PDZD2: variants seen among roughly 807,000 people sequenced by gnomAD.
PDZD2 encodes PDZ domain-containing protein 2.
In PDZD2, 90 loss-of-function variants were observed where a neutral mutation model predicts 220.7. The observed-to-expected ratio is 0.41, with a 90% CI of 0.34 to 0.49. The LOEUF (loss-of-function observed/expected upper bound fraction) is 0.49. Among genes scored for constraint, PDZD2 ranks in the 20% least tolerant of loss-of-function variants. The pLI, the probability that PDZD2 is intolerant of heterozygous loss-of-function variation, is 0.28. For synonymous variants in PDZD2, 1,375 were observed against 1,450.5 expected, an observed-to-expected ratio of 0.95 and a Z score of 1.18; for missense variants, 3,174 against 3,608.5, an observed-to-expected ratio of 0.88 and a Z score of 3.08.
chr5:31,857,247 A>G (rs988357000), intron 2 of PDZD2, among the ~76,000 whole-genome samples: 6 of 152,266 alleles, frequency 3.9e-5, no homozygotes, highest in African/African-American at 1.4e-4. Context: ...TCCCTCCCTC[A>G]TGAGAACTCT....
chr5:32,029,820 G>C (rs1754984642), intron 6 of PDZD2, among the ~76,000 whole-genome samples: 1 of 152,214 alleles, frequency 6.6e-6, no homozygotes, highest in Admixed American at 6.5e-5. Context: ...GACCCAGGGA[G>C]AATTACCTCC....
rs34261021 is a variant in PDZD2, at chr5:31,718,694, A to ATTT, written c.-361+79280_-361+79282dup. Among the ~76,000 whole-genome samples, 126 of 74,630 alleles carry ATTT rather than the reference A, an allele frequency of 1.7e-3. 1 individual carries two copies. Among genetic ancestry groups the ATTT allele is most frequent in the African/African-American group, 2.8e-3 (52 of 18,610 alleles). The allele number at this position is 74,630 out of a possible 152,430, so 49.0% of individuals were successfully genotyped here. A position where few individuals can be genotyped will look rare whatever the true frequency, so the allele number is the denominator to read the frequency against. On this transcript the variant is annotated intron_variant, in intron 1 of 24. Transcript: ENST00000438447. ...GATTAGGGCCCACTGTAACAGCCTC[A>ATTT]TTTTTTTTTTTTTTTTTTTTTTTTT...
intron 1 of PDZD2, among the ~76,000 whole-genome samples, chr5:31,757,625 C>T (rs1751374705): frequency 6.6e-6 from 1 of 151,910 alleles, no homozygotes; most frequent in South Asian, 2.1e-4. Flanking sequence ...AATGGAAGTG[C>T]TCAGTGGCTA....
intron 10 of PDZD2, among the ~76,000 whole-genome samples, chr5:32,056,431 A>T (rs1016717663): frequency 6.6e-6 from 1 of 152,156 alleles, no homozygotes; most frequent in African/African-American, 2.4e-5. Flanking sequence ...CCTCTTCTCT[A>T]CAGCAATGCT....
intron 3 of PDZD2, among the ~76,000 whole-genome samples, chr5:31,994,249 C>A (rs922179040): frequency 5.9e-5 from 9 of 151,870 alleles, no homozygotes; most frequent in African/African-American, 2.2e-4. Flanking sequence ...TCTGGTGATC[C>A]CCCCACCTTG....
rs145368496 is a variant in PDZD2 at position 31,970,175 on chromosome 5, G to A, written c.477-12980G>A. ...CTCCCAAAGTGCTGGGATTACAGAC[G>A]TGAGCCACCGCGCCCGGCCCGACTA... On this transcript the variant is annotated intron_variant, in intron 2 of 24. Transcript: ENST00000438447. Among the ~76,000 whole-genome samples, 516 of 152,120 alleles carry A rather than the reference G, an allele frequency of 3.4e-3. 5 individuals carry two copies. Among genetic ancestry groups the A allele is most frequent in the Admixed American group, 0.022 (340 of 15,268 alleles).
At chr5:31,801,677 A>G (rs984918059) in intron 2 of PDZD2, among the ~76,000 whole-genome samples, 1 of 152,186 alleles carries the variant, frequency 6.6e-6, no homozygotes, top group Non-Finnish European at 1.5e-5. Context: ...TGATCTTGGG[A>G]AAATTGTACC....
intron 2 of PDZD2, chr5:31,854,812 G>GAC (rs986087731): frequency 3.4e-5 from 7 of 205,634 alleles, no homozygotes; most frequent in African/African-American, 4.7e-5. Flanking sequence ...GGGGATCTTG[G>GAC]AATGCCGTGG....
intron 2 of PDZD2, among the ~76,000 whole-genome samples, chr5:31,825,326 A>G (rs988428845): frequency 6.6e-6 from 1 of 152,206 alleles, no homozygotes; most frequent in African/African-American, 2.4e-5. Flanking sequence ...AGAGGAACAC[A>G]GAGTGGACAT....
chr5:31,769,073 G>A (rs16901543), intron 1 of PDZD2, among the ~76,000 whole-genome samples: 9,145 of 152,230 alleles, frequency 0.06, 335 homozygotes, highest in Non-Finnish European at 0.087. Flanking sequence ...CAGGGGAGAC[G>A]ATGCTCAGGA....
intron 2 of PDZD2, among the ~76,000 whole-genome samples, chr5:31,900,758 G>A (rs1015931715): frequency 9.9e-5 from 15 of 152,128 alleles, no homozygotes; most frequent in Admixed American, 7.2e-4. Context: ...TTATCACCCC[G>A]AGGAACAGCT....
intron 1 of PDZD2, among the ~76,000 whole-genome samples, chr5:31,751,676 C>T (rs1009372151): frequency 6.6e-6 from 1 of 152,104 alleles, no homozygotes; most frequent in African/African-American, 2.4e-5. Flanking sequence ...CATTAAATAC[C>T]GGGGACATGA....
chr5:31,776,450 T>TTTTTTTTA (rs113791920), intron 1 of PDZD2, among the ~76,000 whole-genome samples: 5 of 139,102 alleles, frequency 3.6e-5, no homozygotes, highest in South Asian at 2.3e-4. Flanking sequence ...TGTGTTTTTA[T>TTTTTTTTA]TTTATTTATT....
chr5:31,746,442 T>G (rs1750609058), intron 1 of PDZD2, among the ~76,000 whole-genome samples: 1 of 152,186 alleles, frequency 6.6e-6, no homozygotes, highest in Non-Finnish European at 1.5e-5. Flanking sequence ...TGGGAGTGGA[T>G]TGGTGTGCCA....
chr5:31,893,111 C>A (rs1440040343), intron 2 of PDZD2, among the ~76,000 whole-genome samples: 1 of 152,148 alleles, frequency 6.6e-6, no homozygotes, highest in Non-Finnish European at 1.5e-5. Context: ...AACTATTAAA[C>A]TTGTACCCAC....
intron 1 of PDZD2, among the ~76,000 whole-genome samples, chr5:31,730,811 A>G (rs1749494917): frequency 6.6e-6 from 1 of 152,200 alleles, no homozygotes; most frequent in Admixed American, 6.5e-5. Context: ...TTAAGAGGAA[A>G]AAGAAGCTTT....
chr5:31,687,361 C>T (rs1746914783), intron 1 of PDZD2, among the ~76,000 whole-genome samples: 1 of 152,184 alleles, frequency 6.6e-6, no homozygotes, highest in Non-Finnish European at 1.5e-5. Flanking sequence ...ATGCACTTTG[C>T]CATGTTATGA....
chr5:32,025,464 G>A (rs540094086), intron 6 of PDZD2, among the ~76,000 whole-genome samples: 11 of 151,676 alleles, frequency 7.3e-5, no homozygotes, highest in South Asian at 2.1e-4. Context: ...GGTGGAGGTT[G>A]TGGTGAGCCA....
At chr5:32,054,696 T>C (rs2112316427) in intron 10 of PDZD2, among the ~76,000 whole-genome samples, 1 of 152,306 alleles carries the variant, frequency 6.6e-6, no homozygotes, top group Admixed American at 6.5e-5. Context: ...GACAAGTGCT[T>C]CTGAATGCAA....
Sources: gnomAD v4.1 joint callset for allele counts (sites outside exome capture counted in the v4.1 genomes callset) on GRCh38, gnomAD v4.1.1 for gene constraint, MANE v1.5 for transcripts, NCBI Gene and HGNC (gene_info 2026-07-23, HGNC 2026-07-21) for gene names.